The following ROCK2 variants were observed in gnomAD, a reference collection of about 807,000 sequenced individuals.
ROCK2 encodes Rho associated coiled-coil containing protein kinase 2, also known as rho-associated protein kinase 2.
Under a neutral mutation model 195.1 loss-of-function variants are expected in ROCK2, and 61 were observed. The ratio of observed to expected loss-of-function variants is 0.31; its 90% CI spans 0.25 to 0.39. The LOEUF is 0.39. ROCK2 is among the 10% of genes least tolerant of loss of function. The pLI, the probability that ROCK2 is intolerant of heterozygous loss-of-function variation, is 1.00. For missense variants in ROCK2, 1,109 were observed against 1,637.4 expected, an observed-to-expected ratio of 0.68 and a Z score of 5.57; for synonymous variants, 504 against 545.5, an observed-to-expected ratio of 0.92 and a Z score of 1.06.
chr2:11,184,568 A>G (rs1322522021), intron 32 of ROCK2: 12 of 915,620 alleles, frequency 1.3e-5, no homozygotes, highest in Non-Finnish European at 1.4e-5. Context: ...ACTATTAAAA[A>G]CAAGTTTCAA....
At chr2:11,293,132 G>A (rs961408611) in intron 1 of ROCK2, among the ~76,000 whole-genome samples, 1 of 152,282 alleles carries the variant, frequency 6.6e-6, no homozygotes, top group Admixed American at 6.5e-5. Flanking sequence ...ACACAGATGT[G>A]TTTTATAAAG....
At position 11,216,158 on chromosome 2, in the gene ROCK2, C is replaced by CT; in HGVS notation, c.1460dup (p.Ile488AspfsTer33). The stretch of plus-strand genomic sequence containing the variant: ...TAATAAAAAAGTGGGGCAACTTTAC[C>CT]TCCTCTTCTAGCTCCTTTGCTGTTT... On this transcript the variant is annotated frameshift_variant and splice_region_variant, in exon 13 of 33. Transcript: ENST00000315872. LOFTEE classifies it high-confidence loss of function. 1 of 1,612,246 alleles carries CT rather than the reference C, an allele frequency of 6.2e-7. No individual in the cohort carries two copies. Among genetic ancestry groups the CT allele is most frequent in the Non-Finnish European group, 8.5e-7 (1 of 1,178,538 alleles).
intron 1 of ROCK2, among the ~76,000 whole-genome samples, chr2:11,306,197 TAAG>T (rs996749922): frequency 2.6e-5 from 4 of 152,128 alleles, no homozygotes; most frequent in African/African-American, 9.7e-5. Flanking sequence ...TGTTTCAAAA[TAAG>T]AAGTTTTTTA....
intron 1 of ROCK2, among the ~76,000 whole-genome samples, chr2:11,293,575 T>A (rs1347376630): frequency 6.6e-6 from 1 of 152,214 alleles, no homozygotes; most frequent in African/African-American, 2.4e-5. Flanking sequence ...AGGACCAGTA[T>A]TATTAATTTT....
At chr2:11,342,797 T>C (rs55657626) in intron 1 of ROCK2, among the ~76,000 whole-genome samples, 6,474 of 152,268 alleles carry the variant, frequency 0.043, 278 homozygotes, top group Non-Finnish European at 0.06. Flanking sequence ...TAGCACATCA[T>C]TCATTACTTT....
chr2:11,319,489 G>A (rs1433503030), intron 1 of ROCK2, among the ~76,000 whole-genome samples: 1 of 152,198 alleles, frequency 6.6e-6, no homozygotes, highest in Admixed American at 6.5e-5. Context: ...ATCAGCTTAA[G>A]GAGATTTTGG....
chr2:11,337,863 G>A (rs920042845), intron 1 of ROCK2, among the ~76,000 whole-genome samples: 21 of 151,406 alleles, frequency 1.4e-4, no homozygotes, highest in African/African-American at 4.9e-5. Context: ...GGCTGGTCTC[G>A]AACTCCTGAC....
In ROCK2 at chr2:11,344,572, C is replaced by CGCCGGCCGCCTTGCAGTCCCTCA; in HGVS notation, c.-459_-437dup. 1.1e-6 allele frequency: 1 copy of CGCCGGCCGCCTTGCAGTCCCTCA among 872,974 alleles called. No individual in the cohort carries two copies. Among genetic ancestry groups the CGCCGGCCGCCTTGCAGTCCCTCA allele is most frequent in the Non-Finnish European group, 1.4e-6 (1 of 729,514 alleles). The allele number at this position is 872,974 out of a possible 1,614,324, so 54.1% of individuals were successfully genotyped here. On this transcript the variant is annotated 5_prime_UTR_variant, in exon 1 of 33. Transcript: ENST00000315872. This position sits in a 1 kb window ranked among gnomAD's most constrained non-coding sequence, Gnocchi z 5.4. ...GCCGCCGGCCCGCTGCCATGGTCGC[C>CGCCGGCCGCCTTGCAGTCCCTCA]GCCGGCCGCCTTGCAGTCCCTCAGC...
At position 11,215,094 on chromosome 2, in the gene ROCK2, T is replaced by G. The variant is rs768809756; in HGVS notation, c.1690-8A>C. 2 of 1,613,820 alleles carry G rather than the reference T, an allele frequency of 1.2e-6. No homozygotes were observed. The highest frequency in any genetic ancestry group is 1.7e-6 in the Non-Finnish European group (2 of 1,179,836). ...AGCATTGGTTTCATCCAGCTGTTAT[T>G]CCATTCAAAACCAAACAACAACAAA... On this transcript the variant is annotated splice_region_variant and splice_polypyrimidine_tract_variant and intron_variant, in intron 15 of 32. Coordinates refer to ENST00000315872, the MANE Select transcript of ROCK2 (RefSeq NM_004850.5).
chr2:11,214,782 G>A (rs1324662050), intron 16 of ROCK2, 58 bp downstream of exon 16: 1 of 1,483,440 alleles, frequency 6.7e-7, no homozygotes, highest in Non-Finnish European at 9.1e-7. Flanking sequence ...ATCATCTAAA[G>A]TTATTTTTAA....
intron 3 of ROCK2, among the ~76,000 whole-genome samples, chr2:11,256,637 C>T (rs1019592345): frequency 2.0e-5 from 3 of 150,432 alleles, no homozygotes; most frequent in African/African-American, 7.4e-5. Flanking sequence ...GAGTTGAAAA[C>T]AAATGAATGG....
chr2:11,331,380 G>A (rs1003855917), intron 1 of ROCK2, among the ~76,000 whole-genome samples: 13 of 152,154 alleles, frequency 8.5e-5, no homozygotes, highest in Non-Finnish European at 1.5e-4. Flanking sequence ...CAAAAGCCAA[G>A]TGCAATAGTA....
intron 4 of ROCK2, among the ~76,000 whole-genome samples, chr2:11,238,251 G>T (rs1244180781): frequency 7.6e-5 from 11 of 144,426 alleles, no homozygotes; most frequent in Non-Finnish European, 1.2e-4. Context: ...TCTGTTGTGT[G>T]TGTCAGTGTA....
chr2:11,278,099 A>G (rs1666887153), intron 3 of ROCK2, among the ~76,000 whole-genome samples: 1 of 152,242 alleles, frequency 6.6e-6, no homozygotes, highest in Non-Finnish European at 1.5e-5. Flanking sequence ...TGTTGAGAAC[A>G]GTTAAAATCT....
Position 11,208,345 on chromosome 2 carries a change from T to A in ROCK2, c.2306A>T (p.Lys769Ile), listed in dbSNP as rs762679348. 6.6e-7 allele frequency: 1 copy of A among 1,519,684 alleles called. No individual in the cohort carries two copies. Among genetic ancestry groups the A allele is most frequent in the South Asian group, 1.3e-5 (1 of 74,226 alleles). The allele number at this position is 1,519,684 out of a possible 1,614,324, so 94.1% of individuals were successfully genotyped here. A position where few individuals can be genotyped will look rare whatever the true frequency, so the allele number is the denominator to read the frequency against. The change falls in exon 19 of 33, where the codon AAA (lysine) becomes ATA (isoleucine). Residue 769 changes from lysine to isoleucine, a missense_variant. Lys to Ile is a moderately radical substitution (Grantham distance 102). Around this residue, in one of 6 missense-constraint regions of ROCK2, gnomAD observed 542 missense variants for 672.0 expected, o/e 0.81. Coordinates refer to ENST00000315872, the MANE Select transcript of ROCK2 (RefSeq NM_004850.5). ...KRCSLLDCDLKQSQQKINELL... is the reference protein window; with the variant it reads ...KRCSLLDCDLIQSQQKINELL... ...CTCATTTATTTTCTGCTGTGACTGTTTGAGGTCACAGTCTAATAGAGAACA... is the reference window on the plus strand; with the variant it reads ...CTCATTTATTTTCTGCTGTGACTGTATGAGGTCACAGTCTAATAGAGAACA...
At chr2:11,236,566 G>T (rs1665213285) in intron 4 of ROCK2, among the ~76,000 whole-genome samples, 1 of 152,076 alleles carries the variant, frequency 6.6e-6, no homozygotes, top group Non-Finnish European at 1.5e-5. Flanking sequence ...AGTAGCATTG[G>T]GACCAGAGAA....
At chr2:11,252,788 C>T (rs1665881307) in intron 3 of ROCK2, among the ~76,000 whole-genome samples, 1 of 151,996 alleles carries the variant, frequency 6.6e-6, no homozygotes, top group African/African-American at 2.4e-5. Context: ...ACATCACACA[C>T]CAGTGCCTGT....
intron 20 of ROCK2, among the ~76,000 whole-genome samples, chr2:11,204,879 C>A (rs1663993996): frequency 6.6e-6 from 1 of 152,166 alleles, no homozygotes. Context: ...ATATATGTTT[C>A]CTCCGGGGGC....
intron 3 of ROCK2, among the ~76,000 whole-genome samples, chr2:11,269,065 A>C (rs558341879): frequency 6.6e-6 from 1 of 151,714 alleles, no homozygotes; most frequent in Non-Finnish European, 1.5e-5. Context: ...TTTTTATTTC[A>C]GTTATTGTAC....
Sources: allele counts gnomAD v4.1 joint callset (sites outside exome capture counted in the v4.1 genomes callset), GRCh38; gene constraint gnomAD v4.1.1; regional missense constraint gnomAD v4.1.1; non-coding constraint Gnocchi (gnomAD v3.1); transcripts MANE v1.5; gene names NCBI Gene and HGNC (gene_info 2026-07-23, HGNC 2026-07-21).